The following KCNH7 variants were observed in gnomAD, a reference collection of about 807,000 sequenced individuals.
KCNH7 encodes the protein voltage-gated inwardly rectifying potassium channel KCNH7.
KCNH7 carries 49 observed loss-of-function variants against 120.8 expected under a neutral mutation model. The ratio of observed to expected loss-of-function variants is 0.41; its 90% CI spans 0.32 to 0.51. The LOEUF (loss-of-function observed/expected upper bound fraction) is 0.51. Ranked by LOEUF, KCNH7 falls within the 20% of genes least tolerant of loss-of-function variation. The pLI, the probability that KCNH7 is intolerant of heterozygous loss-of-function variation, is 0.38. For missense variants in KCNH7, 1,097 were observed against 1,446.6 expected (o/e 0.76, Z 3.92); for synonymous variants, 547 against 516.1 (o/e 1.06, Z -0.81).
chr2:162,809,246 A>C (rs898848746), intron 2 of KCNH7, among the ~76,000 whole-genome samples: 1 of 152,194 alleles, frequency 6.6e-6, no homozygotes, highest in Non-Finnish European at 1.5e-5. Context: ...CTGTCCCCAC[A>C]CTTTTCTTGA....
At chr2:162,701,058 C>A (rs1446616979) in intron 2 of KCNH7, among the ~76,000 whole-genome samples, 3 of 152,130 alleles carry the variant, frequency 2.0e-5, no homozygotes, top group African/African-American at 7.2e-5. Flanking sequence ...GAAGGACAAT[C>A]ACATTGCATC....
intron 2 of KCNH7, among the ~76,000 whole-genome samples, chr2:162,650,444 G>A (rs1292590230): frequency 6.6e-6 from 1 of 152,092 alleles, no homozygotes; most frequent in African/African-American, 2.4e-5. Context: ...TGAGGGCTAT[G>A]TTTCAATATA....
At chr2:162,429,918 G>T (rs116038556) in intron 8 of KCNH7, among the ~76,000 whole-genome samples, 1 of 147,648 alleles carries the variant, frequency 6.8e-6, no homozygotes. Flanking sequence ...GTAAATTCTG[G>T]TCCCATTTTA....
intron 2 of KCNH7, among the ~76,000 whole-genome samples, chr2:162,781,906 C>T (rs558868109): frequency 6.1e-4 from 93 of 152,260 alleles, no homozygotes; most frequent in African/African-American, 2.1e-3. Context: ...TGGATAAATT[C>T]AATGAATATT....
chr2:162,678,466 T>TA (rs1450252914), intron 2 of KCNH7, among the ~76,000 whole-genome samples: 4 of 151,422 alleles, frequency 2.6e-5, no homozygotes, highest in Non-Finnish European at 4.4e-5. Context: ...CTATGTCTAA[T>TA]AAAAATCTCC....
chr2:162,471,087 T>A (rs1050144820), intron 6 of KCNH7, among the ~76,000 whole-genome samples: 1 of 152,118 alleles, frequency 6.6e-6, no homozygotes, highest in Non-Finnish European at 1.5e-5. Flanking sequence ...TAATCTCAAG[T>A]ACCCAGGGAC....
chr2:162,641,140 G>C (rs1037297947), intron 2 of KCNH7, among the ~76,000 whole-genome samples: 2 of 152,038 alleles, frequency 1.3e-5, no homozygotes, highest in Admixed American at 6.6e-5. Context: ...AAAACTCAAC[G>C]CAGAACTACC....
chr2:162,477,817 TATCCATCCATCC>T (rs4001398), intron 6 of KCNH7, among the ~76,000 whole-genome samples: 7 of 149,016 alleles, frequency 4.7e-5, no homozygotes, highest in Non-Finnish European at 5.9e-5. Flanking sequence ...CCCAAACATC[TATCCATCCATCC>T]ATCCATCCAT....
chr2:162,463,528 C>T (rs1689214388), intron 6 of KCNH7, among the ~76,000 whole-genome samples: 1 of 151,842 alleles, frequency 6.6e-6, no homozygotes, highest in Non-Finnish European at 1.5e-5. Flanking sequence ...TTTTCTGTAC[C>T]TTAAACGACC....
At chr2:162,770,341 T>C (rs528952766) in intron 2 of KCNH7, among the ~76,000 whole-genome samples, 38 of 150,218 alleles carry the variant, frequency 2.5e-4, no homozygotes, top group South Asian at 6.3e-4. Context: ...TATATATACA[T>C]TCATATATAT....
rs116521265 is a variant in KCNH7, at chr2:162,543,267, C to G, written c.308-6187G>C. 3.3e-3 allele frequency among the ~76,000 whole-genome samples: 492 copies of G among 148,504 alleles called. 2 individuals carry two copies. Among genetic ancestry groups the G allele is most frequent in the African/African-American group, 0.012 (465 of 39,450 alleles). ...AAGAAACATCCTTAACATAATCTCT[C>G]TCTCACACACACATACGCACACACA... On this transcript the variant is annotated intron_variant, in intron 2 of 15. Transcript: ENST00000332142.
At chr2:162,577,620 A>G (rs1356857498) in intron 2 of KCNH7, among the ~76,000 whole-genome samples, 1 of 152,006 alleles carries the variant, frequency 6.6e-6, no homozygotes, top group East Asian at 1.9e-4. Flanking sequence ...CACATAATCT[A>G]ATTTCAGTTA....
At chr2:162,504,766 T>A in intron 5 of KCNH7, 109 bp from the exon 6 acceptor site, 2 of 700,650 alleles carry the variant, frequency 2.9e-6, no homozygotes. Context: ...CTGATTTGAG[T>A]GTGACTGAAT....
At chr2:162,408,674 A>G (rs1356291661) in intron 9 of KCNH7, among the ~76,000 whole-genome samples, 1 of 151,940 alleles carries the variant, frequency 6.6e-6, no homozygotes. Context: ...ATAAAGATGA[A>G]TGTTTCAGAA....
chr2:162,687,573 T>C (rs1350590482), intron 2 of KCNH7, among the ~76,000 whole-genome samples: 2 of 152,078 alleles, frequency 1.3e-5, no homozygotes, highest in African/African-American at 4.8e-5. Context: ...TTCAGCGATG[T>C]CACCTTGGTA....
chr2:162,616,766 A>G (rs1273687273), intron 2 of KCNH7, among the ~76,000 whole-genome samples: 1 of 152,186 alleles, frequency 6.6e-6, no homozygotes, highest in East Asian at 1.9e-4. Flanking sequence ...CATGGGGAAA[A>G]TGTATAATGA....
At chr2:162,451,706 T>C (rs1688775890) in intron 6 of KCNH7, among the ~76,000 whole-genome samples, 1 of 152,030 alleles carries the variant, frequency 6.6e-6, no homozygotes, top group South Asian at 2.1e-4. Flanking sequence ...TGTAGATAGA[T>C]AGTTTGATCA....
chr2:162,381,136 A>G (rs368798476), intron 13 of KCNH7, among the ~76,000 whole-genome samples: 43 of 152,246 alleles, frequency 2.8e-4, no homozygotes, highest in African/African-American at 1.0e-3. Context: ...GCTAGTAGGA[A>G]GGAAGGACTA....
At chr2:162,759,458 G>A (rs2105448219) in intron 2 of KCNH7, among the ~76,000 whole-genome samples, 1 of 152,168 alleles carries the variant, frequency 6.6e-6, no homozygotes, top group Non-Finnish European at 1.5e-5. Flanking sequence ...CATTTTCAGT[G>A]GTGATCACAA....
Sources: gnomAD v4.1 joint callset for allele counts (sites outside exome capture counted in the v4.1 genomes callset) on GRCh38, gnomAD v4.1.1 for gene constraint, MANE v1.5 for transcripts, NCBI Gene and HGNC (gene_info 2026-07-23, HGNC 2026-07-21) for gene names.